PDE10A: variants seen among roughly 807,000 people sequenced by gnomAD.
PDE10A encodes cAMP and cAMP-inhibited cGMP 3',5'-cyclic phosphodiesterase 10A.
Under a neutral mutation model 97.7 loss-of-function variants are expected in PDE10A, and 39 were observed. That is an observed-to-expected ratio of 0.40 (90% CI 0.31 to 0.52). PDE10A has a LOEUF of 0.52. PDE10A is among the 20% of genes least tolerant of loss of function. The pLI, the probability that PDE10A is intolerant of heterozygous loss-of-function variation, is 0.56. For synonymous variants in PDE10A, 371 were observed against 376.8 expected, an observed-to-expected ratio of 0.98 and a Z score of 0.18; for missense variants, 731 against 1,047.8, an observed-to-expected ratio of 0.70 and a Z score of 4.17.
intron 1 of PDE10A, among the ~76,000 whole-genome samples, chr6:165,764,799 C>T (rs1279325551): frequency 1.3e-5 from 2 of 152,142 alleles, no homozygotes. Flanking sequence ...AAGAACAAAC[C>T]TTCCACAGAG....
intron 1 of PDE10A, among the ~76,000 whole-genome samples, chr6:165,782,874 C>T (rs539028009): frequency 3.2e-4 from 48 of 152,200 alleles, no homozygotes; most frequent in Admixed American, 1.4e-3. Context: ...GTATGGGAAC[C>T]GTGTGTGATT....
intron 1 of PDE10A, among the ~76,000 whole-genome samples, chr6:165,746,518 A>G (rs980093045): frequency 1.3e-5 from 2 of 152,230 alleles, no homozygotes; most frequent in African/African-American, 4.8e-5. Flanking sequence ...GGCTTTTCCC[A>G]GAGATACAAA....
At chr6:165,621,628 C>T (rs1046467668) in intron 1 of PDE10A, among the ~76,000 whole-genome samples, 4 of 152,034 alleles carry the variant, frequency 2.6e-5, no homozygotes, top group Non-Finnish European at 4.4e-5. Context: ...TGGTGGCGGG[C>T]GCCTGCAGTC....
At chr6:165,943,331 A>AG (rs1659359260) in intron 1 of PDE10A, among the ~76,000 whole-genome samples, 1 of 103,252 alleles carries the variant, frequency 9.7e-6, no homozygotes, top group South Asian at 2.8e-4. Context: ...AAGAAAGAAA[A>AG]AGAAAGAAAG....
chr6:165,351,876 C>T (rs1782715994), intron 18 of PDE10A, among the ~76,000 whole-genome samples: 1 of 152,110 alleles, frequency 6.6e-6, no homozygotes, highest in African/African-American at 2.4e-5. Context: ...TTTTTTGAGA[C>T]TGAGTCTCAC....
At chr6:165,341,439 C>CTA (rs1361019671) in intron 19 of PDE10A, among the ~76,000 whole-genome samples, 1 of 152,176 alleles carries the variant, frequency 6.6e-6, no homozygotes, top group African/African-American at 2.4e-5. Context: ...ATATTACAGT[C>CTA]TATAGTTATG....
Position 165,329,110 on chromosome 6 carries a change from G to C in PDE10A, c.*3915C>G, listed in dbSNP as rs924253779. On this transcript the variant is annotated 3_prime_UTR_variant, in exon 22 of 22. Transcript: ENST00000539869. ...TTAAATCCTAAATAAAATCTGCAAA[G>C]TGTAGAAAGCAAACATATGTTCGAA... 2.6e-5 allele frequency: 4 copies of C among 152,202 alleles called. No homozygotes were observed. Among genetic ancestry groups the C allele is most frequent in the Non-Finnish European group, 5.9e-5 (4 of 68,034 alleles). 9.4% of individuals were successfully genotyped at this position (152,202 alleles called of 1,614,324 possible).
At chr6:165,450,047 T>C (rs1363239402) in intron 4 of PDE10A, among the ~76,000 whole-genome samples, 195 bp downstream of exon 4, 1 of 152,218 alleles carries the variant, frequency 6.6e-6, no homozygotes, top group African/African-American at 2.4e-5. Context: ...TTATTTGGGA[T>C]TAGACAATTT....
intron 1 of PDE10A, among the ~76,000 whole-genome samples, chr6:165,700,429 T>A (rs1791540059): frequency 6.6e-6 from 1 of 152,210 alleles, no homozygotes; most frequent in African/African-American, 2.4e-5. Context: ...CAAAAACTAT[T>A]AAATTGCACA....
At chr6:165,509,674 AT>A in intron 2 of PDE10A, among the ~76,000 whole-genome samples, 1 of 151,710 alleles carries the variant, frequency 6.6e-6, no homozygotes, top group Non-Finnish European at 1.5e-5. Context: ...CAACATGCTC[AT>A]TTTATTAATT....
At chr6:165,714,273 G>A (rs1791973082) in intron 1 of PDE10A, among the ~76,000 whole-genome samples, 2 of 152,250 alleles carry the variant, frequency 1.3e-5, no homozygotes. Context: ...ATGGGAGCCT[G>A]CAGAGGGGGT....
intron 1 of PDE10A, among the ~76,000 whole-genome samples, chr6:165,652,345 C>T (rs1789725499): frequency 6.6e-6 from 1 of 151,698 alleles, no homozygotes; most frequent in African/African-American, 2.4e-5. Context: ...CAGCCTCAAC[C>T]TCCCGGGCTA....
chr6:165,853,257 GA>G (rs1780622950), intron 1 of PDE10A, among the ~76,000 whole-genome samples: 1 of 152,156 alleles, frequency 6.6e-6, no homozygotes, highest in Non-Finnish European at 1.5e-5. Flanking sequence ...TTTCACATTG[GA>G]AAACATCACT....
intron 1 of PDE10A, among the ~76,000 whole-genome samples, chr6:165,607,476 C>G (rs1787266756): frequency 6.6e-6 from 1 of 152,122 alleles, no homozygotes; most frequent in Non-Finnish European, 1.5e-5. Flanking sequence ...GGATTGTAGC[C>G]TAGGAGCAGT....
chr6:165,547,685 C>T (rs1420100649), intron 1 of PDE10A, among the ~76,000 whole-genome samples: 2 of 152,124 alleles, frequency 1.3e-5, no homozygotes, highest in Non-Finnish European at 2.9e-5. Flanking sequence ...AGCAGTATCT[C>T]TACTTCAACA....
At position 165,907,356 on chromosome 6, in the gene PDE10A, G is replaced by A. The variant is rs1002513473; in HGVS notation, c.-615+80173C>T. ...GGAAGGCCAGGGGCATAGAGGCTGA[G>A]GTGTGAGGGGTGGGCGAGAGCCTCC... is the stretch of plus-strand genomic sequence containing the variant. On this transcript the variant is annotated intron_variant, in intron 1 of 19. Coordinates refer to the PDE10A transcript ENST00000366882. Among the ~76,000 whole-genome samples the A allele has an allele frequency of 2.6e-5, 4 of 152,378 alleles. No individual in the cohort carries two copies. The South Asian group carries it at 8.3e-4, about 32-fold the overall frequency.
chr6:165,786,704 T>C lies in PDE10A; in HGVS notation c.-615+200825A>G. On this transcript the variant is annotated intron_variant, in intron 1 of 19. Transcript: ENST00000366882. ...TATGAAACTGATATCAGAGTTCTTG[T>C]TATCAGAAAAAAAGAGATGGAGGAA... Among the ~76,000 whole-genome samples the C allele has an allele frequency of 1.3e-5, 2 of 152,176 alleles. 1 individual carries two copies.
In PDE10A at chr6:165,661,933, A is replaced by C; in HGVS notation, c.865+14T>G. ...GCCGCCCCACCTCCGGGGAACGGGG[A>C]GCAGGCCACTTACTGGGGCTCAGGA... is the stretch of plus-strand genomic sequence containing the variant. On this transcript the variant is annotated intron_variant, in intron 1 of 21. Coordinates refer to ENST00000539869, the MANE Select transcript of PDE10A (RefSeq NM_001385079.1). The surrounding 1 kb of genome is among the most constrained non-coding windows in gnomAD (Gnocchi z 4.8). 1 of 906,086 alleles carries C rather than the reference A, an allele frequency of 1.1e-6. No homozygotes were observed. Among genetic ancestry groups the C allele is most frequent in the Non-Finnish European group, 1.8e-6 (1 of 565,344 alleles). 56.1% of individuals were successfully genotyped at this position (906,086 alleles called of 1,614,324 possible).
chr6:165,732,997 G>C (rs954565242), intron 1 of PDE10A, among the ~76,000 whole-genome samples: 2 of 152,224 alleles, frequency 1.3e-5, no homozygotes, highest in Non-Finnish European at 2.9e-5. Context: ...TGGGATGCCA[G>C]TTGCCTGTCT....
Sources: allele counts gnomAD v4.1 joint callset (sites outside exome capture counted in the v4.1 genomes callset), GRCh38; gene constraint gnomAD v4.1.1; non-coding constraint Gnocchi (gnomAD v3.1); transcripts MANE v1.5; gene names NCBI Gene and HGNC (gene_info 2026-07-23, HGNC 2026-07-21).